EMSY: variants seen among roughly 807,000 people sequenced by gnomAD.
The protein encoded by EMSY is BRCA2-interacting transcriptional repressor EMSY.
A neutral mutation model predicts 134.6 loss-of-function variants in EMSY; 26 were observed. The ratio of observed to expected loss-of-function variants is 0.19; its 90% CI spans 0.14 to 0.27. EMSY has a LOEUF of 0.27. Ranked by LOEUF, EMSY falls within the 10% of genes least tolerant of loss-of-function variation. The pLI is 1.00. For missense variants in EMSY, 1,305 were observed against 1,611.4 expected (o/e 0.81, Z 3.26); for synonymous variants, 579 against 577.8 (o/e 1.00, Z -0.03).
chr11:76,451,107 A>C (rs1023111133), intron 2 of EMSY, among the ~76,000 whole-genome samples: 2 of 152,058 alleles, frequency 1.3e-5, no homozygotes, highest in African/African-American at 4.8e-5. Context: ...TGACAGTTTT[A>C]TTTCTTAATG....
chr11:76,532,479 C>T (rs1951079225), intron 14 of EMSY, among the ~76,000 whole-genome samples: 1 of 151,960 alleles, frequency 6.6e-6, no homozygotes, highest in South Asian at 2.1e-4. Context: ...CCATCCTCGC[C>T]TAGGTCACTT....
intron 1 of EMSY, among the ~76,000 whole-genome samples, 177 bp downstream of exon 1, chr11:76,445,305 C>T (rs1045691049): frequency 7.9e-5 from 12 of 152,104 alleles, no homozygotes; most frequent in Non-Finnish European, 1.5e-4. Context: ...TGGCCTGGTG[C>T]TGGGACTCTG....
chr11:76,550,417 A>T, exon 21 of EMSY: 1 of 259,842 alleles, frequency 3.8e-6, no homozygotes, highest in South Asian at 1.7e-4. Flanking sequence ...TCTCTGTTGG[A>T]TCATGGCCGG....
chr11:76,546,781 A>G (rs1397948367), intron 20 of EMSY, among the ~76,000 whole-genome samples: 2 of 152,204 alleles, frequency 1.3e-5, no homozygotes, highest in Non-Finnish European at 2.9e-5. Context: ...CAGGACAATC[A>G]AACCTCAACT....
intron 8 of EMSY, among the ~76,000 whole-genome samples, chr11:76,494,720 TTCCTTCCTTCCTTC>T (rs1565314970): frequency 3.0e-4 from 24 of 81,106 alleles, no homozygotes; most frequent in Non-Finnish European, 7.5e-5. Context: ...CCTTCCTTCC[TTCCTTCCTTCCTTC>T]CTTTCCTTCC....
intron 7 of EMSY, among the ~76,000 whole-genome samples, chr11:76,466,084 C>T (rs2135227480): frequency 6.6e-6 from 1 of 152,256 alleles, no homozygotes; most frequent in Non-Finnish European, 1.5e-5. Flanking sequence ...CTTTACTTAT[C>T]TCCTCTGTTT....
At chr11:76,492,055 T>C (rs1177129035) in intron 8 of EMSY, among the ~76,000 whole-genome samples, 1 of 152,252 alleles carries the variant, frequency 6.6e-6, no homozygotes, top group Non-Finnish European at 1.5e-5. Flanking sequence ...ACCAAATAGT[T>C]TCCCCAGGAT....
intron 9 of EMSY, among the ~76,000 whole-genome samples, chr11:76,512,161 G>A (rs977581245): frequency 4.6e-5 from 7 of 152,178 alleles, no homozygotes; most frequent in Admixed American, 4.6e-4. Flanking sequence ...AGTGAAGATA[G>A]TAGTGGGGAA....
chr11:76,450,250 AT>A (rs1947603600), intron 2 of EMSY, among the ~76,000 whole-genome samples: 1 of 152,188 alleles, frequency 6.6e-6, no homozygotes, highest in Non-Finnish European at 1.5e-5. Context: ...GGGGGAAGGC[AT>A]AAACATTTAG....
In EMSY at chr11:76,522,800, T is replaced by C. The variant is rs541485310; in HGVS notation, c.1685-355T>C. Among the ~76,000 whole-genome samples the C allele has an allele frequency of 1.2e-4, 18 of 152,286 alleles. 1 individual carries two copies. The South Asian group carries it at 3.3e-3, about 28-fold the overall frequency. Reference sequence around the variant, plus strand: ...ATTTTCCCATCACTTCAGTCACATATAATACTGGGTTTGGGGGAAATACAT... The same window carrying C: ...ATTTTCCCATCACTTCAGTCACATACAATACTGGGTTTGGGGGAAATACAT... On this transcript the variant is annotated intron_variant, in intron 11 of 20. Coordinates refer to ENST00000334736, the Ensembl canonical transcript of EMSY.
At chr11:76,458,292 G>C (rs1318959015) in exon 5 of EMSY, 22 of 1,613,892 alleles carry the variant, frequency 1.4e-5, no homozygotes, top group Non-Finnish European at 1.9e-5. Flanking sequence ...AGCTAATGCT[G>C]TTGCTAATGC....
chr11:76,499,960 C>T (rs1443696361), intron 9 of EMSY, among the ~76,000 whole-genome samples: 3 of 151,574 alleles, frequency 2.0e-5, no homozygotes, highest in African/African-American at 4.8e-5. Flanking sequence ...TGTGCCTGTA[C>T]TCCTAGGTAC....
intron 10 of EMSY, among the ~76,000 whole-genome samples, chr11:76,515,635 G>A (rs941010440): frequency 7.2e-5 from 11 of 152,154 alleles, no homozygotes; most frequent in Admixed American, 6.6e-4. Context: ...AAAGGTGGAC[G>A]TATATTTAGA....
At chr11:76,464,227 A>G in intron 7 of EMSY, 147 bp downstream of exon 8, 1 of 1,043,030 alleles carries the variant, frequency 9.6e-7, no homozygotes, top group East Asian at 2.6e-5. Context: ...TTTTCCAGAT[A>G]AGGCTTTGGG....
At chr11:76,522,228 TTAA>T (rs1291174525) in intron 11 of EMSY, among the ~76,000 whole-genome samples, 1 of 152,012 alleles carries the variant, frequency 6.6e-6, no homozygotes, top group Non-Finnish European at 1.5e-5. Flanking sequence ...TAGATAGATC[TTAA>T]TAATTGACAA....
intron 7 of EMSY, among the ~76,000 whole-genome samples, chr11:76,472,095 A>G (rs1948595262): frequency 1.3e-5 from 2 of 152,192 alleles, no homozygotes; most frequent in Non-Finnish European, 2.9e-5. Flanking sequence ...CGTGACATAT[A>G]CTTACATTTC....
chr11:76,496,310 A>G (rs1949652728), exon 9 of EMSY: 3 of 1,614,160 alleles, frequency 1.9e-6, no homozygotes, highest in Non-Finnish European at 2.5e-6. Context: ...ACAGTTCCCT[A>G]AACAACATCA....
intron 6 of EMSY, among the ~76,000 whole-genome samples, chr11:76,462,824 C>A (rs1948179650): frequency 6.6e-6 from 1 of 152,088 alleles, no homozygotes; most frequent in South Asian, 2.1e-4. Flanking sequence ...TGATTTTGTG[C>A]CTCATCTTGT....
At chr11:76,546,338 G>A (rs182250028) in intron 20 of EMSY, 41 bp downstream of exon 21, 21 of 1,566,882 alleles carry the variant, frequency 1.3e-5, no homozygotes, top group Middle Eastern at 1.8e-4. Flanking sequence ...GTGCATCTTG[G>A]GGGTTGTGGG....
Sources: allele counts gnomAD v4.1 joint callset (sites outside exome capture counted in the v4.1 genomes callset), GRCh38; gene constraint gnomAD v4.1.1; transcripts MANE v1.5; gene names NCBI Gene and HGNC (gene_info 2026-07-23, HGNC 2026-07-21).